The following TET1 variants were observed in gnomAD, a reference collection of about 807,000 sequenced individuals.
The protein encoded by TET1 is tet methylcytosine dioxygenase 1, also known as methylcytosine dioxygenase TET1.
TET1 carries 13 observed loss-of-function variants against 148.7 expected under a neutral mutation model. That is an observed-to-expected ratio of 0.09 (90% confidence interval 0.06 to 0.14). The LOEUF (loss-of-function observed/expected upper bound fraction) is 0.14. Ranked by LOEUF, TET1 falls within the 10% of genes least tolerant of loss-of-function variation. TET1 has a pLI of 1.00. For missense variants in TET1, 2,182 were observed against 2,553.8 expected (o/e 0.85, Z 3.14); for synonymous variants, 907 against 937.2 (o/e 0.97, Z 0.59).
chr10:68,591,268 G>A (rs2053915837), intron 2 of TET1, among the ~76,000 whole-genome samples: 1 of 152,170 alleles, frequency 6.6e-6, no homozygotes, highest in South Asian at 2.1e-4. Context: ...AATATTATGA[G>A]TTCAATGATA....
At chr10:68,683,657 C>T (rs925821242) in intron 10 of TET1, among the ~76,000 whole-genome samples, 2 of 152,176 alleles carry the variant, frequency 1.3e-5, no homozygotes, top group Non-Finnish European at 2.9e-5. Flanking sequence ...CGTGATCCGC[C>T]CACCTTGGCC....
Position 68,646,564 on chromosome 10 carries a change from G to A in TET1, c.3835G>A (p.Asp1279Asn), listed in dbSNP as rs2054852077. ...GGAATCCAACGGGAAGGCATTCACT[G>A]ATAAAGCTTATAATTCTCAGGTACA... is the stretch of plus-strand genomic sequence containing the variant. ...KTESNGKAFTDKAYNSQVQLT... is the reference protein window; with the variant it reads ...KTESNGKAFTNKAYNSQVQLT... Residue 1279 changes from aspartate to asparagine, a missense_variant, in exon 4 of 12, where the codon GAT (aspartate) becomes AAT (asparagine). Around this residue, in one of 11 missense-constraint regions of TET1, gnomAD observed 582 missense variants for 599.5 expected, o/e 0.97. Transcript: ENST00000373644. The A allele has an allele frequency of 1.9e-6, 3 of 1,614,080 alleles. No individual in the cohort carries two copies. The highest frequency in any genetic ancestry group is 2.7e-5 in the African/African-American group (2 of 74,934).
chr10:68,617,945 A>G (rs958329936), intron 3 of TET1, among the ~76,000 whole-genome samples: 3 of 150,658 alleles, frequency 2.0e-5, no homozygotes, highest in Non-Finnish European at 4.4e-5. Flanking sequence ...TTAAAGAGAC[A>G]GTGTCTTGCT....
At chr10:68,670,824 A>G (rs976273211) in intron 7 of TET1, among the ~76,000 whole-genome samples, 6 of 152,116 alleles carry the variant, frequency 3.9e-5, no homozygotes, top group Non-Finnish European at 8.8e-5. Context: ...GGCATTTTCC[A>G]GGCTTTCACA....
At position 68,573,935 on chromosome 10, in the gene TET1, C is replaced by A. The variant is rs775107195; in HGVS notation, c.1597C>A (p.Leu533Ile). The part of the protein sequence containing the change: ...LFHASLGIAQ[L>I]SQAGPSKSDR... ...CCATGCTTCACTGGGTATAGCCCAA[C>A]TCTCTCAGGCTGGTCCTAGCAAATC... Residue 533 changes from leucine (L) to isoleucine (I), a missense_variant, in exon 2 of 12, where the codon CTC (leucine) becomes ATC (isoleucine). Coordinates refer to ENST00000373644, the MANE Select transcript of TET1 (RefSeq NM_030625.3). 1 of 1,614,228 alleles carries A rather than the reference C, an allele frequency of 6.2e-7. No homozygotes were observed. The highest frequency in any genetic ancestry group is 8.5e-7 in the Non-Finnish European group (1 of 1,180,042).
In TET1 at chr10:68,691,175, T is replaced by C; in HGVS notation, c.5772T>C (p.Ser1924=). 6.2e-7 allele frequency: 1 copy of C among 1,614,218 alleles called. No homozygotes were observed. The highest frequency in any genetic ancestry group is 8.5e-7 in the Non-Finnish European group (1 of 1,180,042). ...SAPVMEPLIN[S]EPSTGVTEPL... Reference sequence around the variant, plus strand: ...CTGTGATGGAGCCCCTCATTAATTCTGAGCCTTCCACTGGTGTGACTGAGC... The same window carrying C: ...CTGTGATGGAGCCCCTCATTAATTCCGAGCCTTCCACTGGTGTGACTGAGC... The change falls in exon 12 of 12, where the codon TCT becomes TCC. Residue 1924 remains serine (S), a synonymous_variant. Coordinates refer to ENST00000373644, the MANE Select transcript of TET1 (RefSeq NM_030625.3). This position sits in a 1 kb window ranked among gnomAD's most constrained non-coding sequence, Gnocchi z 4.4.
intron 1 of TET1, among the ~76,000 whole-genome samples, chr10:68,563,812 G>T (rs1740515863): frequency 6.6e-6 from 1 of 152,184 alleles, no homozygotes; most frequent in Middle Eastern, 3.2e-3. Context: ...CTCCCAAGTA[G>T]CTGGGATTAC....
intron 8 of TET1, 104 bp from the exon 9 acceptor site, chr10:68,681,295 G>A (rs1410362116): frequency 1.6e-5 from 10 of 644,834 alleles, no homozygotes; most frequent in Non-Finnish European, 2.7e-5. Flanking sequence ...GGATAAGTAT[G>A]AATTGTGCAT....
At chr10:68,641,480 A>ATTTATTTATTTATTTAAT in intron 3 of TET1, among the ~76,000 whole-genome samples, 1 of 148,886 alleles carries the variant, frequency 6.7e-6, no homozygotes, top group Non-Finnish European at 1.5e-5. Context: ...CCATTTATTT[A>ATTTATTTATTTATTTAAT]TTTATTTATT....
At chr10:68,599,675 G>A (rs529576849) in intron 2 of TET1, among the ~76,000 whole-genome samples, 1 of 152,326 alleles carries the variant, frequency 6.6e-6, no homozygotes, top group African/African-American at 2.4e-5. Flanking sequence ...AGTCTGGTGC[G>A]CAGACCGGCC....
At chr10:68,680,231 T>C (rs1362345040) in intron 8 of TET1, among the ~76,000 whole-genome samples, 1 of 152,258 alleles carries the variant, frequency 6.6e-6, no homozygotes, top group Non-Finnish European at 1.5e-5. Context: ...AAAGGTCAAT[T>C]GATTCATATA....
chr10:68,617,953 G>A (rs1322524205), intron 3 of TET1, among the ~76,000 whole-genome samples: 5 of 149,068 alleles, frequency 3.4e-5, no homozygotes, highest in Admixed American at 6.7e-5. Context: ...ACAGTGTCTT[G>A]CTCTGTTGTC....
At chr10:68,632,385 G>A (rs754026585) in intron 3 of TET1, 45 of 1,606,886 alleles carry the variant, frequency 2.8e-5, no homozygotes, top group Non-Finnish European at 3.7e-5. Context: ...CCTCCACGCC[G>A]GAGCCCGGTG....
At chr10:68,657,676 T>C (rs1215867664) in intron 6 of TET1, among the ~76,000 whole-genome samples, 1 of 152,154 alleles carries the variant, frequency 6.6e-6, no homozygotes, top group Non-Finnish European at 1.5e-5. Flanking sequence ...AATTGGTATC[T>C]TGAAATAGTA....
intron 2 of TET1, among the ~76,000 whole-genome samples, chr10:68,578,739 TG>T (rs1367818881): frequency 2.0e-5 from 3 of 151,954 alleles, no homozygotes. Flanking sequence ...CGGATACACA[TG>T]GGGGACAAAG....
intron 6 of TET1, among the ~76,000 whole-genome samples, chr10:68,663,363 C>G (rs1446574597): frequency 6.6e-6 from 1 of 152,140 alleles, no homozygotes; most frequent in East Asian, 1.9e-4. Flanking sequence ...TTGCATCTTT[C>G]TGTTTTTTAA....
chr10:68,661,060 T>C (rs898629467), intron 6 of TET1, among the ~76,000 whole-genome samples: 1 of 150,356 alleles, frequency 6.7e-6, no homozygotes, highest in African/African-American at 2.4e-5. Flanking sequence ...GACAGAGTCT[T>C]GCTCTGTCGC....
At chr10:68,626,431 C>T (rs929193700) in intron 3 of TET1, among the ~76,000 whole-genome samples, 3 of 151,998 alleles carry the variant, frequency 2.0e-5, no homozygotes, top group African/African-American at 7.2e-5. Context: ...GAACTCCTGG[C>T]CTCAAGGGAT....
intron 2 of TET1, among the ~76,000 whole-genome samples, chr10:68,584,698 G>A (rs1006502846): frequency 6.6e-6 from 1 of 151,968 alleles, no homozygotes; most frequent in Non-Finnish European, 1.5e-5. Context: ...GACAGAGTGA[G>A]ACTCCGTCTC....
Sources: gnomAD v4.1 joint callset for allele counts (sites outside exome capture counted in the v4.1 genomes callset) on GRCh38, gnomAD v4.1.1 for gene constraint, gnomAD v4.1.1 regional missense constraint, Gnocchi (gnomAD v3.1) non-coding constraint, MANE v1.5 for transcripts, NCBI Gene and HGNC (gene_info 2026-07-23, HGNC 2026-07-21) for gene names.